The following ARID4A variants were observed in gnomAD, a reference collection of about 807,000 sequenced individuals.
The protein encoded by ARID4A is AT-rich interaction domain 4A, also known as AT-rich interactive domain-containing protein 4A.
Under a neutral mutation model 148.6 loss-of-function variants are expected in ARID4A, and 39 were observed. The observed-to-expected ratio is 0.26, with a 90% confidence interval of 0.20 to 0.34. ARID4A has a LOEUF of 0.34. Among genes scored for constraint, ARID4A ranks in the 10% least tolerant of loss-of-function variants. ARID4A has a pLI of 1.00. For synonymous variants in ARID4A, 475 were observed against 481.2 expected (o/e 0.99, Z 0.17); for missense variants, 1,265 against 1,449.1 (o/e 0.87, Z 2.06).
intron 15 of ARID4A, among the ~76,000 whole-genome samples, chr14:58,348,263 T>C (rs1248163707): frequency 6.6e-6 from 1 of 152,194 alleles, no homozygotes; most frequent in East Asian, 1.9e-4. Context: ...ATTTATTCTG[T>C]TTATTGTGAT....
At chr14:58,353,935 A>G in intron 17 of ARID4A, 80 bp downstream of exon 17, 1 of 1,239,578 alleles carries the variant, frequency 8.1e-7, no homozygotes, top group Non-Finnish European at 1.1e-6. Flanking sequence ...ATGAAGAGTG[A>G]AAGCAAATAA....
At chr14:58,360,578 A>G (rs759124425) in intron 18 of ARID4A, among the ~76,000 whole-genome samples, 2 of 152,230 alleles carry the variant, frequency 1.3e-5, no homozygotes, top group Non-Finnish European at 2.9e-5. Context: ...ATAGTTGTAT[A>G]GTCTTCTAAA....
In ARID4A at chr14:58,323,523, A is replaced by T; in HGVS notation, c.488A>T (p.Glu163Val). ...DEKEEESSEE[E>V]DEDKRRLNDE... ...AAGGAAGAAGAAAGCAGTGAAGAGG[A>T]AGATGAAGACAAGCGCCGTCTCAAT... Residue 163 changes from glutamate to valine, a missense_variant, in exon 8 of 24, where the codon GAA (glutamate) becomes GTA (valine). This residue lies in a region of ARID4A where 249 missense variants were observed against 277.2 expected (regional missense o/e 0.90). Transcript: ENST00000355431. The T allele has an allele frequency of 6.2e-7, 1 of 1,614,148 alleles. No homozygotes were observed. Among genetic ancestry groups the T allele is most frequent in the Admixed American group, 1.7e-5 (1 of 60,030 alleles).
At chr14:58,328,139 A>C in intron 8 of ARID4A, 98 bp from the exon 9 acceptor site, 1 of 810,166 alleles carries the variant, frequency 1.2e-6, no homozygotes. Flanking sequence ...AATATAATCT[A>C]TTTGAGAAGT....
chr14:58,322,834 C>T (rs528333656), intron 7 of ARID4A, among the ~76,000 whole-genome samples: 4 of 150,986 alleles, frequency 2.6e-5, no homozygotes, highest in African/African-American at 4.9e-5. Flanking sequence ...TGGTGGCATG[C>T]GCCTGTAATC....
chr14:58,301,741 T>A, intron 3 of ARID4A, 51 bp downstream of exon 3: 1 of 1,415,236 alleles, frequency 7.1e-7, no homozygotes, highest in South Asian at 1.2e-5. Flanking sequence ...TTGAAGAAAT[T>A]TGGGGAGAGA....
Position 58,347,657 on chromosome 14 carries a change from G to T in ARID4A, c.1183G>T (p.Gly395Cys). Reference protein sequence around the residue: ...VKTAYRKYLYGFEEYCRSANI... With the variant: ...VKTAYRKYLYCFEEYCRSANI... Reference sequence around the variant, plus strand: ...ATATTGTTTGTTTAGGTATCTCTATGGTTTTGAGGAGTACTGCCGTTCGGC... The same window carrying T: ...ATATTGTTTGTTTAGGTATCTCTATTGTTTTGAGGAGTACTGCCGTTCGGC... The change falls in exon 15 of 24, where the codon GGT (glycine) becomes TGT (cysteine). Residue 395 changes from glycine (G) to cysteine (C), a missense_variant. Transcript: ENST00000355431. The T allele has an allele frequency of 6.3e-7, 1 of 1,594,984 alleles. No homozygotes were observed. The highest frequency in any genetic ancestry group is 1.2e-5 in the South Asian group (1 of 86,840).
rs780947698 is a variant in ARID4A at position 58,329,549 on chromosome 14, C to T, written c.684C>T (p.Asp228=). The change falls in exon 10 of 24, where the codon GAC becomes GAT. Residue 228 remains aspartate (D), a synonymous_variant. Coordinates refer to ENST00000355431, the MANE Select transcript of ARID4A (RefSeq NM_002892.4). ...TTAGTTACTCTATAGCAAGAAAGGA[C>T]ATTAAGGAAGTAGACATTCTCAATC... ...DSKFYSIARK[D]IKEVDILNLP... The T allele has an allele frequency of 8.7e-6, 14 of 1,605,300 alleles. No homozygotes were observed. Among genetic ancestry groups the T allele is most frequent in the Non-Finnish European group, 1.2e-5 (14 of 1,172,306 alleles).
At chr14:58,337,268 A>ATATATATATAT (rs1422819457) in intron 11 of ARID4A, among the ~76,000 whole-genome samples, 34 of 133,798 alleles carry the variant, frequency 2.5e-4, no homozygotes, top group Non-Finnish European at 2.9e-4. Flanking sequence ...ATATATATAT[A>ATATATATATAT]ATTAAAACCG....
In ARID4A at chr14:58,364,164, T is replaced by C; in HGVS notation, c.2081-6T>C. 1.5e-6 allele frequency: 2 copies of C among 1,318,356 alleles called. No individual in the cohort carries two copies. The highest frequency in any genetic ancestry group is 2.8e-5 in the Admixed American group (1 of 36,240). 81.7% of individuals were successfully genotyped at this position (1,318,356 alleles called of 1,614,324 possible). ...CTGTATAATATAATAATATTTCCTC[T>C]TACAGACTCTTGTTCATCTGATAGT... is the stretch of plus-strand genomic sequence containing the variant. On this transcript the variant is annotated splice_polypyrimidine_tract_variant and splice_region_variant and intron_variant, in intron 19 of 23. Coordinates refer to ENST00000355431, the MANE Select transcript of ARID4A (RefSeq NM_002892.4).
chr14:58,330,802 A>G (rs2033476681), intron 11 of ARID4A, among the ~76,000 whole-genome samples: 4 of 152,208 alleles, frequency 2.6e-5, no homozygotes. Flanking sequence ...TAATATTGCC[A>G]TGTCATTTAT....
intron 5 of ARID4A, among the ~76,000 whole-genome samples, chr14:58,309,239 C>T (rs1286874921): frequency 6.6e-6 from 1 of 152,222 alleles, no homozygotes; most frequent in African/African-American, 2.4e-5. Flanking sequence ...CCTTAGCCTC[C>T]CAAAGTGTTG....
intron 5 of ARID4A, among the ~76,000 whole-genome samples, chr14:58,313,121 C>T (rs901350024): frequency 1.3e-5 from 2 of 152,156 alleles, no homozygotes; most frequent in Admixed American, 6.5e-5. Flanking sequence ...TCATTTTCCT[C>T]TTAATAGATT....
At chr14:58,353,611 C>T (rs1257680065) in intron 16 of ARID4A, 47 bp from the exon 17 acceptor site, 2 of 1,512,592 alleles carry the variant, frequency 1.3e-6, no homozygotes, top group Non-Finnish European at 9.1e-7. Context: ...ATATTTTATT[C>T]TCCATTAAGT....
chr14:58,359,107 CTTT>C (rs752553814), intron 17 of ARID4A, 22 bp from the exon 18 acceptor site: 4,610 of 1,283,560 alleles, frequency 3.6e-3, no homozygotes, highest in Middle Eastern at 5.2e-3. Context: ...TGTACAAACT[CTTT>C]TTTTTTTTTT....
Position 58,361,065 on chromosome 14 carries a change from T to C in ARID4A, c.2080+23T>C, listed in dbSNP as rs770301384. ...CAGGTACCAGAAGTGCTCGCAGCAA[T>C]ATACCAGACAGCTCACCTCTGTCAA... On this transcript the variant is annotated intron_variant, in intron 19 of 23. Coordinates refer to ENST00000355431, the MANE Select transcript of ARID4A (RefSeq NM_002892.4). 2.5e-6 allele frequency: 4 copies of C among 1,601,534 alleles called. No individual in the cohort carries two copies. The South Asian group carries it at 3.3e-5, about 13-fold the overall frequency.
intron 11 of ARID4A, among the ~76,000 whole-genome samples, chr14:58,336,120 A>G (rs560997389): frequency 6.6e-6 from 1 of 152,208 alleles, no homozygotes; most frequent in South Asian, 2.1e-4. Context: ...GGATTAAAAT[A>G]TTTCTAAAGC....
In ARID4A at chr14:58,331,997, C is replaced by T. The variant is rs1280041463; in HGVS notation, c.906+1828C>T. Among the ~76,000 whole-genome samples, 4 of 23,228 alleles carry T rather than the reference C, an allele frequency of 1.7e-4. 1 individual carries two copies. Among genetic ancestry groups the T allele is most frequent in the Admixed American group, 4.7e-4 (1 of 2,144 alleles). 15.2% of individuals were successfully genotyped at this position (23,228 alleles called of 152,430 possible). On this transcript the variant is annotated intron_variant, in intron 11 of 23. Transcript: ENST00000355431. Reference sequence around the variant, plus strand: ...CCGTTCCAGAATGCATTTTCCCTACCCCCCCCCCCCCAAAAAACCCTGAAA... The same window carrying T: ...CCGTTCCAGAATGCATTTTCCCTACTCCCCCCCCCCCAAAAAACCCTGAAA...
chr14:58,326,520 G>T (rs991598713), intron 8 of ARID4A, among the ~76,000 whole-genome samples: 1 of 152,196 alleles, frequency 6.6e-6, no homozygotes, highest in Non-Finnish European at 1.5e-5. Context: ...GCGAGTGGGG[G>T]AATAATAGGA....
Sources: allele counts gnomAD v4.1 joint callset (sites outside exome capture counted in the v4.1 genomes callset), GRCh38; gene constraint gnomAD v4.1.1; regional missense constraint gnomAD v4.1.1; transcripts MANE v1.5; gene names NCBI Gene and HGNC (gene_info 2026-07-23, HGNC 2026-07-21).